The following DNM3 variants were observed in gnomAD, a reference collection of about 807,000 sequenced individuals.
DNM3 encodes dynamin-3.
DNM3 carries 47 observed loss-of-function variants against 101.6 expected under a neutral mutation model. The observed-to-expected ratio is 0.46, with a 90% confidence interval of 0.37 to 0.59. DNM3 has a LOEUF of 0.59. Among genes scored for constraint, DNM3 ranks in the 20% least tolerant of loss-of-function variants. The probability of loss-of-function intolerance (pLI) is 0.00; values close to 1 mark genes in which losing one functional copy is unlikely to be tolerated. For synonymous variants in DNM3, 385 were observed against 387.9 expected (o/e 0.99, Z 0.09); for missense variants, 849 against 1,085.7 (o/e 0.78, Z 3.06).
At chr1:171,971,897 G>A (rs907532719) in intron 2 of DNM3, among the ~76,000 whole-genome samples, 4 of 152,170 alleles carry the variant, frequency 2.6e-5, no homozygotes, top group African/African-American at 4.8e-5. Flanking sequence ...CAGAAGGGGA[G>A]GAGATGGCTC....
chr1:172,185,774 C>T (rs2059500885), intron 14 of DNM3, among the ~76,000 whole-genome samples: 1 of 152,058 alleles, frequency 6.6e-6, no homozygotes, highest in Admixed American at 6.6e-5. Context: ...AAGTTTATTT[C>T]ATAGCTGGTT....
At chr1:171,923,825 C>T (rs2040359354) in intron 2 of DNM3, among the ~76,000 whole-genome samples, 1 of 152,136 alleles carries the variant, frequency 6.6e-6, no homozygotes. Context: ...TCAACCTTCA[C>T]CCCTCTTCCA....
At chr1:172,284,007 C>T (rs181327761) in intron 15 of DNM3, among the ~76,000 whole-genome samples, 21 of 152,114 alleles carry the variant, frequency 1.4e-4, no homozygotes, top group African/African-American at 4.8e-4. Flanking sequence ...ACAATTTTCT[C>T]TTTTATATAT....
At chr1:172,284,750 G>A (rs972821801) in intron 15 of DNM3, among the ~76,000 whole-genome samples, 1 of 152,020 alleles carries the variant, frequency 6.6e-6, no homozygotes, top group Admixed American at 6.6e-5. Flanking sequence ...AATTGCTACC[G>A]TTTTTACTAG....
At position 172,342,200 on chromosome 1, in the gene DNM3, C is replaced by T. The variant is rs149261428; in HGVS notation, c.1893+18860C>T. ...TCAACCATTGTGGAAAGCAGTGTGGCGTTTCCTCAAAGAATAAAAACAGAA... is the reference window on the plus strand; with the variant it reads ...TCAACCATTGTGGAAAGCAGTGTGGTGTTTCCTCAAAGAATAAAAACAGAA... On this transcript the variant is annotated intron_variant, in intron 17 of 20. Transcript: ENST00000627582. Among the ~76,000 whole-genome samples the T allele has an allele frequency of 3.0e-3, 454 of 152,186 alleles. 1 individual carries two copies. The highest frequency in any genetic ancestry group is 0.01 in the African/African-American group (426 of 41,536).
intron 2 of DNM3, among the ~76,000 whole-genome samples, chr1:171,942,618 C>T (rs2041894543): frequency 6.6e-6 from 1 of 152,108 alleles, no homozygotes; most frequent in Admixed American, 6.5e-5. Context: ...TGGGGCAAGA[C>T]ACGCAATAAA....
intron 14 of DNM3, among the ~76,000 whole-genome samples, chr1:172,179,642 A>C (rs2059274930): frequency 6.6e-6 from 1 of 151,692 alleles, no homozygotes; most frequent in Non-Finnish European, 1.5e-5. Context: ...GCTATGCCGG[A>C]TCATTTCTGC....
intron 1 of DNM3, among the ~76,000 whole-genome samples, chr1:171,874,764 G>A (rs895325994): frequency 3.3e-5 from 5 of 151,400 alleles, no homozygotes; most frequent in Admixed American, 6.6e-5. Context: ...CTGTCACCCC[G>A]GTAGTGAACA....
chr1:172,080,325 A>G (rs1241340984), intron 11 of DNM3, among the ~76,000 whole-genome samples: 1 of 152,150 alleles, frequency 6.6e-6, no homozygotes, highest in Non-Finnish European at 1.5e-5. Context: ...CCCTGCCCAG[A>G]GAGGAGGAAC....
At chr1:171,927,622 C>T (rs573931570) in intron 2 of DNM3, among the ~76,000 whole-genome samples, 14 of 152,196 alleles carry the variant, frequency 9.2e-5, no homozygotes, top group East Asian at 7.7e-4. Context: ...TAAATGCCCA[C>T]GAATGACAGA....
chr1:172,180,895 A>G (rs2059320141), intron 14 of DNM3, among the ~76,000 whole-genome samples: 1 of 152,152 alleles, frequency 6.6e-6, no homozygotes, highest in Non-Finnish European at 1.5e-5. Context: ...TTTATTTCCT[A>G]CTCATGGATA....
At chr1:171,842,963 G>A (rs1256793768) in intron 1 of DNM3, among the ~76,000 whole-genome samples, 1 of 152,180 alleles carries the variant, frequency 6.6e-6, no homozygotes, top group Non-Finnish European at 1.5e-5. Flanking sequence ...AAAAAATGCT[G>A]GCGAGATTGT....
At chr1:172,228,806 T>C (rs905434180) in intron 14 of DNM3, among the ~76,000 whole-genome samples, 1 of 152,166 alleles carries the variant, frequency 6.6e-6, no homozygotes, top group Admixed American at 6.6e-5. Flanking sequence ...CTGGTAGGTT[T>C]ATGACCAGAT....
chr1:172,097,267 G>A (rs906923387), intron 13 of DNM3, among the ~76,000 whole-genome samples: 3 of 152,084 alleles, frequency 2.0e-5, no homozygotes, highest in Non-Finnish European at 2.9e-5. Context: ...AGGCATGGTG[G>A]CGAGTGCCTG....
chr1:172,161,572 T>G (rs2058546044), intron 14 of DNM3, among the ~76,000 whole-genome samples: 2 of 151,884 alleles, frequency 1.3e-5, no homozygotes, highest in South Asian at 2.1e-4. Flanking sequence ...TTAAGAGAGA[T>G]ATGAAAAATT....
At position 172,030,891 on chromosome 1, in the gene DNM3, G is replaced by C. The variant is rs115473631; in HGVS notation, c.590-1511G>C. Among the ~76,000 whole-genome samples, 1,056 of 152,284 alleles carry C rather than the reference G, an allele frequency of 6.9e-3. 21 individuals are homozygous for C. The highest frequency in any genetic ancestry group is 0.024 in the African/African-American group (995 of 41,540). On this transcript the variant is annotated intron_variant, in intron 4 of 20. Transcript: ENST00000627582. The stretch of plus-strand genomic sequence containing the variant: ...CAGTTAGAATGGCGATCATTAAAGA[G>C]TCAAGACACAACAGATGCTGGAGAG...
chr1:172,059,949 A>G (rs1572320733), intron 10 of DNM3, among the ~76,000 whole-genome samples: 1 of 144,862 alleles, frequency 6.9e-6, no homozygotes, highest in Non-Finnish European at 1.5e-5. Context: ...AGAAAACCCC[A>G]TTGTCTCAGC....
chr1:172,265,121 T>G (rs915859097), intron 15 of DNM3, among the ~76,000 whole-genome samples: 9 of 152,180 alleles, frequency 5.9e-5, no homozygotes, highest in African/African-American at 1.9e-4. Flanking sequence ...TCATGGCTAT[T>G]TGTATGGCAA....
In DNM3 at chr1:171,959,840, C is replaced by T. The variant is rs528232637; in HGVS notation, c.236-27816C>T. Among the ~76,000 whole-genome samples, 7 of 152,140 alleles carry T rather than the reference C, an allele frequency of 4.6e-5. No homozygotes were observed. In the East Asian group the frequency reaches 1.4e-3, roughly 29 times the overall value. ...CTGGAGTTAGGAGGTTTGTGCTGACCTTAGCGAACTCTGTTTCAGAGCTGT... is the reference window on the plus strand; with the variant it reads ...CTGGAGTTAGGAGGTTTGTGCTGACTTTAGCGAACTCTGTTTCAGAGCTGT... On this transcript the variant is annotated intron_variant, in intron 2 of 20. Transcript: ENST00000627582.
Sources: allele counts gnomAD v4.1 joint callset (sites outside exome capture counted in the v4.1 genomes callset), GRCh38; gene constraint gnomAD v4.1.1; transcripts MANE v1.5; gene names NCBI Gene and HGNC (gene_info 2026-07-23, HGNC 2026-07-21).